MED16: variants seen among roughly 807,000 people sequenced by gnomAD.
The protein encoded by MED16 is mediator of RNA polymerase II transcription subunit 16.
In MED16, 81 loss-of-function variants were observed where a neutral mutation model predicts 84.4. The ratio of observed to expected loss-of-function variants is 0.96; its 90% CI spans 0.80 to 1.15. The LOEUF is 1.15. MED16 is among the 50% of genes most tolerant of loss of function. MED16 has a pLI of 0.00. For missense variants in MED16, 1,585 were observed against 1,245.9 expected, an observed-to-expected ratio of 1.27 and a Z score of -4.10; for synonymous variants, 897 against 552.2, an observed-to-expected ratio of 1.62 and a Z score of -8.76.
chr19:873,539 C>A lies in MED16; in HGVS notation c.1815G>T (p.Val605=). The change falls in exon 11 of 16, where the codon GTG becomes GTT. Residue 605 remains valine (V), a synonymous_variant. Coordinates refer to ENST00000325464, the MANE Select transcript of MED16 (RefSeq NM_005481.3). ...GCGCCTGCAGTGTGTTCATGTCCAGCACAAATTCCTCCGTCTTGAGGTTGA... is the reference window on the plus strand; with the variant it reads ...GCGCCTGCAGTGTGTTCATGTCCAGAACAAATTCCTCCGTCTTGAGGTTGA... ...VMINLKTEEF[V]LDMNTLQALQ... 6.2e-7 allele frequency: 1 copy of A among 1,612,364 alleles called. No homozygotes were observed. The highest frequency in any genetic ancestry group is 8.5e-7 in the Non-Finnish European group (1 of 1,179,720).
In MED16 at chr19:872,079, C is replaced by G. The variant is rs202122968; in HGVS notation, c.1945G>C (p.Gly649Arg). The change falls in exon 12 of 16, where the codon GGC becomes CGC. Residue 649 changes from glycine (G) to arginine (R), a missense_variant. Physicochemically the swap from Gly to Arg is moderately radical, Grantham distance 125. Coordinates refer to ENST00000325464, the MANE Select transcript of MED16 (RefSeq NM_005481.3). ...LRPGHSFLRD[G>R]TSLGMLRELM... is the part of the protein sequence containing the mutation. ...TCCCGAAGCATGCCCAGCGAGGTGC[C>G]GTCCCGCAGAAAGCTGTGGCCCGGC... 1 of 1,608,976 alleles carries G rather than the reference C, an allele frequency of 6.2e-7. No individual in the cohort carries two copies. Among genetic ancestry groups the G allele is most frequent in the African/African-American group, 1.3e-5 (1 of 74,602 alleles).
At chr19:876,841 G>A (rs2036243554) in intron 9 of MED16, 133 bp downstream of exon 9, 1 of 857,710 alleles carries the variant, frequency 1.2e-6, no homozygotes, top group African/African-American at 1.7e-5. Context: ...GCCTGCCACA[G>A]GGACAGCCCC....
At chr19:883,056 A>C (rs574814420) in intron 6 of MED16, among the ~76,000 whole-genome samples, 2 of 152,182 alleles carry the variant, frequency 1.3e-5, no homozygotes, top group African/African-American at 4.8e-5. Flanking sequence ...TGACGACCAC[A>C]CCCCCAGCTA....
intron 4 of MED16, among the ~76,000 whole-genome samples, chr19:887,822 CAG>C (rs1174914375): frequency 6.6e-6 from 1 of 151,918 alleles, no homozygotes; most frequent in Non-Finnish European, 1.5e-5. Flanking sequence ...CAGGCAGATC[CAG>C]AGAGACAACT....
intron 5 of MED16, 103 bp downstream of exon 5, chr19:885,667 G>A (rs1174764316): frequency 2.9e-6 from 4 of 1,372,106 alleles, no homozygotes. Flanking sequence ...CCACACCACG[G>A]TTTAGCCCGT....
At chr19:891,973 G>T (rs1401466827) in intron 1 of MED16, among the ~76,000 whole-genome samples, 9 of 132,882 alleles carry the variant, frequency 6.8e-5, no homozygotes, top group South Asian at 5.1e-4. Flanking sequence ...GTGTGACGGG[G>T]AACACCTGTG....
In MED16 at chr19:879,960, C is replaced by G. The variant is rs1313627802; in HGVS notation, c.1330G>C (p.Val444Leu). The change falls in exon 8 of 16, where the codon GTG (valine) becomes CTG (leucine). Residue 444 changes from valine (V) to leucine (L), a missense_variant. Val to Leu is a conservative substitution (Grantham distance 32). Transcript: ENST00000325464. Reference protein sequence around the residue: ...MQLSWTSLALVGIDSHGKLSV... With the variant: ...MQLSWTSLALLGIDSHGKLSV... ...ACCTTCCCGTGGCTGTCAATCCCCA[C>G]CAGGGCCAGTGACGTCCACGATAGC... 3.7e-6 allele frequency: 6 copies of G among 1,605,770 alleles called. No homozygotes were observed. Among genetic ancestry groups the G allele is most frequent in the Admixed American group, 1.7e-5 (1 of 58,572 alleles).
chr19:869,721 G>A (rs1599312831), intron 13 of MED16, among the ~76,000 whole-genome samples: 1 of 152,326 alleles, frequency 6.6e-6, no homozygotes, highest in Non-Finnish European at 1.5e-5. Flanking sequence ...GAGCAGGGCT[G>A]CTGGAGGTTC....
intron 7 of MED16, 48 bp from the exon 8 acceptor site, chr19:880,196 C>G: frequency 6.6e-7 from 1 of 1,525,788 alleles, no homozygotes; most frequent in Non-Finnish European, 8.8e-7. Flanking sequence ...CCAGGACACG[C>G]CCGCCGGGGG....
At chr19:880,199 G>T in intron 7 of MED16, 51 bp from the exon 8 acceptor site, 2 of 1,505,156 alleles carry the variant, frequency 1.3e-6, no homozygotes, top group Non-Finnish European at 8.9e-7. Context: ...GGACACGCCC[G>T]CCGGGGGAGG....
chr19:871,368 G>C, intron 12 of MED16, 115 bp from the exon 13 acceptor site: 1 of 1,341,002 alleles, frequency 7.5e-7, no homozygotes, highest in Non-Finnish European at 1.0e-6. Flanking sequence ...CCCCAGCTCT[G>C]TCTGCCTGGC....
chr19:872,442 G>A (rs1039822011), intron 11 of MED16, among the ~76,000 whole-genome samples: 2 of 152,044 alleles, frequency 1.3e-5, no homozygotes, highest in African/African-American at 4.8e-5. Flanking sequence ...CTGCGGGCCC[G>A]GGCCCCTGGT....
chr19:873,264 GC>G (rs2036139153), intron 11 of MED16, among the ~76,000 whole-genome samples, 184 bp downstream of exon 11: 1 of 141,838 alleles, frequency 7.1e-6, no homozygotes, highest in Admixed American at 7.6e-5. Flanking sequence ...CCAACCAGGG[GC>G]GGGGCTGAGG....
chr19:885,773 C>T lies in MED16; in HGVS notation c.876G>A (p.Glu292=), dbSNP rs1020966079. ...HLKFLARDMS[E]QVLLCASSQT... ...GTGATGGCCTGCGCCCGTTCACCTG[C>T]TCCGACATGTCCCGGGCCAGGAACT... The change falls in exon 5 of 16, where the codon GAG becomes GAA. Residue 292 remains glutamate, a synonymous_variant. Transcript: ENST00000325464. 1 of 1,607,154 alleles carries T rather than the reference C, an allele frequency of 6.2e-7. No individual in the cohort carries two copies. Among genetic ancestry groups the T allele is most frequent in the Non-Finnish European group, 8.5e-7 (1 of 1,179,158 alleles).
chr19:877,068 C>T lies in MED16; in HGVS notation c.1466G>A (p.Trp489Ter). Residue 489 changes from tryptophan (W) to a stop codon, truncating the protein, a stop_gained, in exon 9 of 16, where the codon TGG becomes TAG. Coordinates refer to ENST00000325464, the MANE Select transcript of MED16 (RefSeq NM_005481.3). LOFTEE classifies it high-confidence loss of function. ...GGGCTGCACGTGCAGCAGGATGTCC[C>T]ACCAGTCGTAGCCGGTCACCATGCA... Reference protein sequence around the residue: ...EYCMVTGYDWWDILLHVQPSM... With the variant: ...EYCMVTGYDW 8 of 1,612,720 alleles carry T rather than the reference C, an allele frequency of 5.0e-6. No homozygotes were observed. The highest frequency in any genetic ancestry group is 6.8e-6 in the Non-Finnish European group (8 of 1,179,906).
At chr19:871,642 A>G in intron 12 of MED16, 1 of 1,591,482 alleles carries the variant, frequency 6.3e-7, no homozygotes, top group South Asian at 1.1e-5. Flanking sequence ...ACCCACACAG[A>G]GCATGGACCT....
At chr19:870,832 G>A (rs1395043282) in intron 13 of MED16, among the ~76,000 whole-genome samples, 12 of 144,466 alleles carry the variant, frequency 8.3e-5, no homozygotes, top group African/African-American at 2.3e-4. Flanking sequence ...GTGTGGATTC[G>A]GGGGGTCCCG....
intron 1 of MED16, chr19:892,268 C>A (rs2036652648): frequency 6.2e-6 from 1 of 160,234 alleles, no homozygotes; most frequent in Non-Finnish European, 1.4e-5. Context: ...CGCCACAAGC[C>A]TCTAAAAGTC....
chr19:889,832 G>C (rs1335176625), intron 3 of MED16, 25 bp from the exon 4 acceptor site: 1 of 1,595,322 alleles, frequency 6.3e-7, no homozygotes, highest in Non-Finnish European at 8.5e-7. Context: ...CCATCATTGC[G>C]AACCTTCCAG....
Sources: allele counts gnomAD v4.1 joint callset (sites outside exome capture counted in the v4.1 genomes callset), GRCh38; gene constraint gnomAD v4.1.1; transcripts MANE v1.5; gene names NCBI Gene and HGNC (gene_info 2026-07-23, HGNC 2026-07-21).